Variants in PTPRM observed in about 807,000 individuals in gnomAD.
PTPRM encodes receptor-type tyrosine-protein phosphatase mu.
In PTPRM, 47 loss-of-function variants were observed where a neutral mutation model predicts 186.7. The ratio of observed to expected loss-of-function variants is 0.25; its 90% CI spans 0.20 to 0.32. PTPRM has a LOEUF of 0.32. Among genes scored for constraint, PTPRM ranks in the 10% least tolerant of loss-of-function variants. The pLI is 1.00. For missense variants in PTPRM, 1,494 were observed against 1,865.0 expected, an observed-to-expected ratio of 0.80 and a Z score of 3.66; for synonymous variants, 668 against 674.9, an observed-to-expected ratio of 0.99 and a Z score of 0.16.
rs202185904 is a variant in PTPRM at position 7,952,987 on chromosome 18, CAG to C, written c.839-2131_839-2130del. On this transcript the variant is annotated intron_variant, in intron 6 of 32. Transcript: ENST00000580170. ...TGCCACTGCACTGCAGCCTCGGTGA[CAG>C]AGCAAGATTCTGTCTAAAAACGAAA... Among the ~76,000 whole-genome samples, 1,307 of 152,282 alleles carry C rather than the reference CAG, an allele frequency of 8.6e-3. 21 individuals carry two copies. Among genetic ancestry groups the C allele is most frequent in the African/African-American group, 0.029 (1,223 of 41,552 alleles).
intron 14 of PTPRM, among the ~76,000 whole-genome samples, chr18:8,224,789 C>A (rs2094193858): frequency 6.6e-6 from 1 of 152,216 alleles, no homozygotes. Flanking sequence ...CTCACTGATG[C>A]ATTCTTATGC....
intron 14 of PTPRM, among the ~76,000 whole-genome samples, chr18:8,200,766 C>T (rs1290320231): frequency 2.6e-5 from 4 of 152,170 alleles, no homozygotes; most frequent in Admixed American, 1.3e-4. Flanking sequence ...CCCAGATTCC[C>T]CAATTATTAA....
At chr18:7,589,876 A>G (rs372076544) in intron 1 of PTPRM, among the ~76,000 whole-genome samples, 1 of 152,202 alleles carries the variant, frequency 6.6e-6, no homozygotes, top group Non-Finnish European at 1.5e-5. Flanking sequence ...ACCTTATTCC[A>G]GGAAGCAGAA....
chr18:8,320,264 G>A (rs1323222914), intron 22 of PTPRM, among the ~76,000 whole-genome samples: 1 of 152,300 alleles, frequency 6.6e-6, no homozygotes, highest in South Asian at 2.1e-4. Context: ...AGATAATTGG[G>A]GTTGGAAAGT....
At chr18:8,391,290 A>G (rs2095810594) in intron 31 of PTPRM, among the ~76,000 whole-genome samples, 1 of 152,220 alleles carries the variant, frequency 6.6e-6, no homozygotes, top group South Asian at 2.1e-4. Flanking sequence ...ATCATCTACC[A>G]AAAGATAAGC....
At position 7,567,897 on chromosome 18, in the gene PTPRM, C is replaced by T. The variant is rs1360566150; in HGVS notation, c.73+6C>T. 1 of 1,549,584 alleles carries T rather than the reference C, an allele frequency of 6.5e-7. No homozygotes were observed. Among genetic ancestry groups the T allele is most frequent in the Non-Finnish European group, 8.7e-7 (1 of 1,154,866 alleles). On this transcript the variant is annotated splice_donor_region_variant and intron_variant, in intron 1 of 32. Coordinates refer to ENST00000580170, the MANE Select transcript of PTPRM (RefSeq NM_001105244.2). The surrounding 1 kb of genome is among the most constrained non-coding windows in gnomAD (Gnocchi z 4.3). ...GGCGGGCGAGACGTTCTCAGGTAAG[C>T]GGGACCGCCTCTGCCGCCCCCGAGG...
chr18:8,329,619 A>T (rs1414438651), intron 22 of PTPRM, among the ~76,000 whole-genome samples: 1 of 152,224 alleles, frequency 6.6e-6, no homozygotes, highest in Non-Finnish European at 1.5e-5. Flanking sequence ...AGCCTGGTTC[A>T]TTCAAAATTG....
chr18:8,250,335 G>C (rs889246695), intron 17 of PTPRM, among the ~76,000 whole-genome samples: 4 of 152,030 alleles, frequency 2.6e-5, no homozygotes, highest in Admixed American at 2.0e-4. Context: ...TCAACTTAAG[G>C]TTTTTCAGCT....
chr18:7,926,034 A>G (rs79298134), intron 4 of PTPRM, among the ~76,000 whole-genome samples: 1,810 of 152,344 alleles, frequency 0.012, 28 homozygotes, highest in African/African-American at 0.041. Context: ...GAGTGTGTCT[A>G]AAGGAGTAGT....
intron 13 of PTPRM, among the ~76,000 whole-genome samples, chr18:8,137,473 G>A (rs73389709): frequency 1.3e-5 from 2 of 152,144 alleles, no homozygotes; most frequent in Non-Finnish European, 2.9e-5. Flanking sequence ...GAGGCTCCAG[G>A]CCTGGGTGGG....
At chr18:8,172,898 T>G (rs2093425595) in intron 14 of PTPRM, among the ~76,000 whole-genome samples, 1 of 152,176 alleles carries the variant, frequency 6.6e-6, no homozygotes, top group African/African-American at 2.4e-5. Flanking sequence ...TACCAGAGTA[T>G]GATGATGCAT....
At chr18:8,353,137 C>T (rs2095545040) in intron 23 of PTPRM, among the ~76,000 whole-genome samples, 1 of 152,012 alleles carries the variant, frequency 6.6e-6, no homozygotes, top group South Asian at 2.1e-4. Flanking sequence ...AGGGAAAGCA[C>T]AGGAAGGGGA....
chr18:8,099,228 G>C (rs1464605119), intron 11 of PTPRM, among the ~76,000 whole-genome samples: 2 of 151,566 alleles, frequency 1.3e-5, no homozygotes, highest in Non-Finnish European at 2.9e-5. Flanking sequence ...CCTCCTTGGA[G>C]AGCCCACCCT....
At chr18:7,696,259 G>A (rs75868668) in intron 1 of PTPRM, among the ~76,000 whole-genome samples, 2 of 152,096 alleles carry the variant, frequency 1.3e-5, no homozygotes, top group Non-Finnish European at 2.9e-5. Context: ...TAAGATCATA[G>A]GAAATCTTTT....
chr18:7,727,457 C>T (rs2040573036), intron 1 of PTPRM, among the ~76,000 whole-genome samples: 1 of 152,120 alleles, frequency 6.6e-6, no homozygotes, highest in African/African-American at 2.4e-5. Context: ...TGTATATACT[C>T]AGATAAATTT....
intron 1 of PTPRM, among the ~76,000 whole-genome samples, chr18:7,597,618 G>C (rs2037298748): frequency 6.6e-6 from 1 of 151,664 alleles, no homozygotes; most frequent in Non-Finnish European, 1.5e-5. Flanking sequence ...TTCCGTCCCT[G>C]CTTCTCCATT....
intron 1 of PTPRM, among the ~76,000 whole-genome samples, chr18:7,688,411 A>G (rs1235046826): frequency 6.6e-6 from 1 of 152,228 alleles, no homozygotes; most frequent in Non-Finnish European, 1.5e-5. Flanking sequence ...GGGGAAATAC[A>G]CAAGATGGTC....
chr18:8,278,955 C>A (rs1465175551), intron 19 of PTPRM, among the ~76,000 whole-genome samples: 1 of 152,106 alleles, frequency 6.6e-6, no homozygotes, highest in Non-Finnish European at 1.5e-5. Flanking sequence ...GGAGGGATAG[C>A]ATTAGGAGAA....
intron 14 of PTPRM, among the ~76,000 whole-genome samples, chr18:8,166,392 A>C (rs1164807572): frequency 6.6e-6 from 1 of 152,092 alleles, no homozygotes; most frequent in African/African-American, 2.4e-5. Context: ...CTCTCTCCCC[A>C]TGTGAGGACC....
Sources: gnomAD v4.1 joint callset for allele counts (sites outside exome capture counted in the v4.1 genomes callset) on GRCh38, gnomAD v4.1.1 for gene constraint, Gnocchi (gnomAD v3.1) non-coding constraint, MANE v1.5 for transcripts, NCBI Gene and HGNC (gene_info 2026-07-23, HGNC 2026-07-21) for gene names.